PPM1B: variants seen among roughly 807,000 people sequenced by gnomAD.
The protein encoded by PPM1B is protein phosphatase, Mg2+/Mn2+ dependent 1B.
Under a neutral mutation model 43.0 loss-of-function variants are expected in PPM1B, and 22 were observed. The observed-to-expected ratio is 0.51, with a 90% CI of 0.37 to 0.73. The LOEUF is 0.73. Ranked by LOEUF, PPM1B falls within the 30% of genes least tolerant of loss-of-function variation. The pLI is 0.00. For synonymous variants in PPM1B, 217 were observed against 197.9 expected, an observed-to-expected ratio of 1.10 and a Z score of -0.81; for missense variants, 632 against 584.2, an observed-to-expected ratio of 1.08 and a Z score of -0.84.
In PPM1B at chr2:44,205,352, T is replaced by TGTGTGTCG. The variant is rs1553333026; in HGVS notation, c.846+3308_846+3309insTGTGTCGG. Reference sequence around the variant, plus strand: ...AGAAGAGTGGGTGTGGGTGTGGGTGTGGGTGTGTGTGTGTGTGTGTGTGTG... The same window carrying TGTGTGTCG: ...AGAAGAGTGGGTGTGGGTGTGGGTGTGTGTGTCGGGGTGTGTGTGTGTGTGTGTGTGTG... On this transcript the variant is annotated intron_variant, in intron 2 of 5. Coordinates refer to ENST00000282412, the MANE Select transcript of PPM1B (RefSeq NM_002706.6). 9.9e-3 allele frequency among the ~76,000 whole-genome samples: 1,411 copies of TGTGTGTCG among 142,964 alleles called. 17 individuals carry two copies. Among genetic ancestry groups the TGTGTGTCG allele is most frequent in the African/African-American group, 0.033 (1,235 of 37,636 alleles). 93.8% of individuals were successfully genotyped at this position (142,964 alleles called of 152,430 possible). A position where few individuals can be genotyped will look rare whatever the true frequency, so the allele number is the denominator to read the frequency against.
At chr2:44,199,576 C>T (rs1306398950) in intron 1 of PPM1B, among the ~76,000 whole-genome samples, 3 of 152,092 alleles carry the variant, frequency 2.0e-5, no homozygotes, top group Non-Finnish European at 4.4e-5. Flanking sequence ...ATGAAATAGC[C>T]TATACAAGCA....
At chr2:44,209,035 A>G (rs1669326174) in intron 2 of PPM1B, among the ~76,000 whole-genome samples, 175 bp from the exon 3 acceptor site, 1 of 152,238 alleles carries the variant, frequency 6.6e-6, no homozygotes, top group South Asian at 2.1e-4. Context: ...ACCCATACCT[A>G]GACACCTTGT....
chr2:44,232,234 A>G, downstream of PPM1B: 1 of 1,544,216 alleles, frequency 6.5e-7, no homozygotes, highest in Non-Finnish European at 8.8e-7. Context: ...TTTGTTCATC[A>G]ATTTTGTTTT....
At chr2:44,223,822 A>T (rs1670086051) in intron 5 of PPM1B, among the ~76,000 whole-genome samples, 1 of 142,636 alleles carries the variant, frequency 7.0e-6, no homozygotes, top group African/African-American at 2.8e-5. Flanking sequence ...TCTAAAAAAA[A>T]AAAAAAAAAA....
intron 1 of PPM1B, among the ~76,000 whole-genome samples, chr2:44,179,495 T>C (rs1193136609): frequency 6.6e-6 from 1 of 151,878 alleles, no homozygotes; most frequent in Admixed American, 6.6e-5. Flanking sequence ...TCTCTCTCTC[T>C]TTTTTTTAAT....
chr2:44,218,517 C>T lies in PPM1B; in HGVS notation c.1114C>T (p.Pro372Ser). 1.3e-6 allele frequency: 2 copies of T among 1,582,920 alleles called. No individual in the cohort carries two copies. The highest frequency in any genetic ancestry group is 1.7e-6 in the Non-Finnish European group (2 of 1,168,572). Reference protein sequence around the residue: ...VIEAVYSRLNPHRESDGASDE... With the variant: ...VIEAVYSRLNSHRESDGASDE... ...TGAAGCTGTTTATAGTAGACTGAAT[C>T]CACATAGAGAAAGTGATGGGGTAAG... The change falls in exon 5 of 6, where the codon CCA becomes TCA. Residue 372 changes from proline (P) to serine (S), a missense_variant. Physicochemically the swap from Pro to Ser is moderately conservative, Grantham distance 74. Coordinates refer to ENST00000282412, the MANE Select transcript of PPM1B (RefSeq NM_002706.6).
chr2:44,193,430 G>C (rs905860842), intron 1 of PPM1B, among the ~76,000 whole-genome samples: 1 of 151,040 alleles, frequency 6.6e-6, no homozygotes, highest in Non-Finnish European at 1.5e-5. Context: ...GAGACATGTT[G>C]TCACTCTGTT....
Position 44,212,673 on chromosome 2 carries a change from G to T in PPM1B, c.964+3346G>T, listed in dbSNP as rs573749767. On this transcript the variant is annotated intron_variant, in intron 3 of 5. Coordinates refer to ENST00000282412, the MANE Select transcript of PPM1B (RefSeq NM_002706.6). ...CTTGCCTTCTTTTAGATGTATTCCAGTTCATCCTAGGATTTGCTTATTAGT... is the reference window on the plus strand; with the variant it reads ...CTTGCCTTCTTTTAGATGTATTCCATTTCATCCTAGGATTTGCTTATTAGT... Among the ~76,000 whole-genome samples, 3 of 151,832 alleles carry T rather than the reference G, an allele frequency of 2.0e-5. No homozygotes were observed. The South Asian group carries it at 6.2e-4, about 32-fold the overall frequency.
downstream of PPM1B, among the ~76,000 whole-genome samples, chr2:44,238,757 T>A (rs1558437680): frequency 4.6e-5 from 7 of 152,084 alleles, no homozygotes. Context: ...TAAACATTCT[T>A]AAGTCTAGTT....
At chr2:44,221,899 T>C (rs1271622028) in intron 5 of PPM1B, among the ~76,000 whole-genome samples, 2 of 152,184 alleles carry the variant, frequency 1.3e-5, no homozygotes, top group Non-Finnish European at 2.9e-5. Context: ...AAATTTGTTT[T>C]TTAGTATGTG....
chr2:44,189,845 C>A (rs934551259), intron 1 of PPM1B, among the ~76,000 whole-genome samples: 4 of 152,182 alleles, frequency 2.6e-5, no homozygotes, highest in Admixed American at 2.0e-4. Flanking sequence ...TGATGGCATA[C>A]CTCTTGCCCC....
At chr2:44,182,072 A>C (rs959222836) in intron 1 of PPM1B, among the ~76,000 whole-genome samples, 2 of 152,102 alleles carry the variant, frequency 1.3e-5, no homozygotes, top group Non-Finnish European at 2.9e-5. Flanking sequence ...TATTTTGAGA[A>C]GCTTCTTCTT....
chr2:44,193,362 A>G (rs1051528744), intron 1 of PPM1B, among the ~76,000 whole-genome samples: 8 of 151,996 alleles, frequency 5.3e-5, no homozygotes, highest in African/African-American at 1.4e-4. Context: ...TGCCATTTTA[A>G]TTTCAAAAAG....
At chr2:44,224,279 C>G (rs542940075) in intron 5 of PPM1B, among the ~76,000 whole-genome samples, 1 of 152,038 alleles carries the variant, frequency 6.6e-6, no homozygotes, top group East Asian at 1.9e-4. Flanking sequence ...CATGGTGATA[C>G]CCTGCCTCTA....
intron 1 of PPM1B, among the ~76,000 whole-genome samples, chr2:44,196,085 A>G (rs1436454652): frequency 6.6e-6 from 1 of 152,178 alleles, no homozygotes; most frequent in Non-Finnish European, 1.5e-5. Flanking sequence ...ACAATTAATG[A>G]GCCAATACTG....
downstream of PPM1B, chr2:44,233,176 A>G (rs1333597505): frequency 1.1e-5 from 10 of 948,386 alleles, no homozygotes; most frequent in Non-Finnish European, 1.3e-5. Context: ...TAATTTTTTC[A>G]GCTTTTAAGA....
intron 5 of PPM1B, among the ~76,000 whole-genome samples, chr2:44,241,004 TTA>T (rs1365681486): frequency 4.2e-5 from 5 of 118,180 alleles, no homozygotes; most frequent in East Asian, 2.5e-4. Context: ...ATCTTTATTT[TTA>T]TTTTTTTTTT....
chr2:44,209,921 C>G (rs144109968), intron 3 of PPM1B, among the ~76,000 whole-genome samples: 14 of 152,122 alleles, frequency 9.2e-5, no homozygotes, highest in Non-Finnish European at 1.5e-4. Context: ...ATGTCTGTTT[C>G]ACCACCAAAG....
At chr2:44,222,088 A>G (rs992860686) in intron 5 of PPM1B, among the ~76,000 whole-genome samples, 54 of 152,110 alleles carry the variant, frequency 3.6e-4, no homozygotes, top group African/African-American at 1.3e-3. Context: ...GCAAAACTAC[A>G]TTTTGCTGTA....
Sources: gnomAD v4.1 joint callset for allele counts (sites outside exome capture counted in the v4.1 genomes callset) on GRCh38, gnomAD v4.1.1 for gene constraint, MANE v1.5 for transcripts, NCBI Gene and HGNC (gene_info 2026-07-23, HGNC 2026-07-21) for gene names.